ASPH: variants seen among roughly 807,000 people sequenced by gnomAD.
ASPH encodes aspartate beta-hydroxylase.
ASPH carries 100 observed loss-of-function variants against 118.4 expected under a neutral mutation model. That is an observed-to-expected ratio of 0.84 (90% CI 0.72 to 1.00). The LOEUF (loss-of-function observed/expected upper bound fraction) is 1.00. Ranked by LOEUF, ASPH falls within the 50% of genes least tolerant of loss-of-function variation. The pLI is 0.00. For missense variants in ASPH, 920 were observed against 919.5 expected, an observed-to-expected ratio of 1.00 and a Z score of -0.01; for synonymous variants, 315 against 325.6, an observed-to-expected ratio of 0.97 and a Z score of 0.35.
At chr8:61,671,066 T>C (rs1021571445) in intron 3 of ASPH, among the ~76,000 whole-genome samples, 7 of 151,804 alleles carry the variant, frequency 4.6e-5, no homozygotes, top group Non-Finnish European at 1.0e-4. Context: ...AATACAGTAA[T>C]GGAGAAAGGG....
chr8:61,532,266 G>A lies in ASPH; in HGVS notation c.1765-6154C>T, dbSNP rs1025885739. Among the ~76,000 whole-genome samples the A allele has an allele frequency of 5.9e-5, 9 of 151,782 alleles. 1 individual carries two copies. The highest frequency in any genetic ancestry group is 4.2e-4 in the South Asian group (2 of 4,798). On this transcript the variant is annotated intron_variant, in intron 21 of 24. Coordinates refer to ENST00000379454, the MANE Select transcript of ASPH (RefSeq NM_004318.4). ...TGATATCTCACTGTCCTTTTGATTC[G>A]CATTTCTCTGATGAATAGTGATGTT...
intron 16 of ASPH, among the ~76,000 whole-genome samples, chr8:61,572,566 T>G (rs1033877293): frequency 6.6e-5 from 10 of 152,048 alleles, no homozygotes; most frequent in South Asian, 2.1e-4. Flanking sequence ...AACTCAGGGG[T>G]CAGCCTTGAG....
chr8:61,681,834 T>C (rs1235330859), intron 2 of ASPH, among the ~76,000 whole-genome samples: 1 of 151,920 alleles, frequency 6.6e-6, no homozygotes, highest in East Asian at 1.9e-4. Context: ...TTATTTTGTT[T>C]AGCATTTCAA....
chr8:61,651,267 C>T (rs1158859893), intron 4 of ASPH, 143 bp from the exon 5 acceptor site: 10 of 602,350 alleles, frequency 1.7e-5, no homozygotes, highest in East Asian at 3.1e-5. Context: ...TATCAGCTTA[C>T]ATTTTTTTGT....
rs371860797 is a variant in ASPH, at chr8:61,651,144, T to G, written c.416-20A>C. On this transcript the variant is annotated intron_variant, in intron 4 of 24. Transcript: ENST00000379454. Reference sequence around the variant, plus strand: ...GGGGTTCTAAAATAATTGCAAAACATAGCTAAGTAGAAAAGCTCAAACATC... The same window carrying G: ...GGGGTTCTAAAATAATTGCAAAACAGAGCTAAGTAGAAAAGCTCAAACATC... 1.9e-6 allele frequency: 3 copies of G among 1,603,650 alleles called. No homozygotes were observed. In the Admixed American group the frequency reaches 5.0e-5, roughly 27 times the overall value.
chr8:61,624,011 G>A (rs1851858226), intron 13 of ASPH: 1 of 165,762 alleles, frequency 6.0e-6, no homozygotes, highest in Non-Finnish European at 1.2e-5. Flanking sequence ...ATGGTTACCA[G>A]AGGTTGGGAA....
In ASPH at chr8:61,501,983, C is replaced by T. The variant is rs1308329937; in HGVS notation, c.*1376G>A. 1.3e-5 allele frequency: 2 copies of T among 152,186 alleles called. No individual in the cohort carries two copies. The highest frequency in any genetic ancestry group is 2.9e-5 in the Non-Finnish European group (2 of 68,038). The allele number at this position is 152,186 out of a possible 1,614,324, so 9.4% of individuals were successfully genotyped here. On this transcript the variant is annotated 3_prime_UTR_variant, in exon 25 of 25. Coordinates refer to ENST00000379454, the MANE Select transcript of ASPH (RefSeq NM_004318.4). ...GTTCATATTGGCTTAGAATTCAGTGCATGAATATCATTACATTCTTATATC... is the reference window on the plus strand; with the variant it reads ...GTTCATATTGGCTTAGAATTCAGTGTATGAATATCATTACATTCTTATATC...
chr8:61,675,391 T>C (rs759220050), intron 3 of ASPH: 31 of 980,278 alleles, frequency 3.2e-5, no homozygotes, highest in South Asian at 1.9e-4. Context: ...AAATTTAAAA[T>C]AAATTTTGCT....
intron 15 of ASPH, chr8:61,578,264 T>C: frequency 1.1e-5 from 18 of 1,585,352 alleles, no homozygotes; most frequent in Non-Finnish European, 1.5e-5. Flanking sequence ...TGTCCACCTC[T>C]GGCCCCCGGG....
rs113178307 is a variant in ASPH at position 61,589,443 on chromosome 8, C to G, written c.977-5414G>C. 7.1e-3 allele frequency among the ~76,000 whole-genome samples: 1,085 copies of G among 152,206 alleles called. 11 individuals carry two copies. Among genetic ancestry groups the G allele is most frequent in the African/African-American group, 0.024 (997 of 41,540 alleles). On this transcript the variant is annotated intron_variant, in intron 14 of 24. Transcript: ENST00000379454. ...ATCTTTTGGGAGGTAATTCACTCAC[C>G]CATGTTTAAGACACACTTACCTGCA...
At chr8:61,577,488 A>G (rs1478921589) in intron 15 of ASPH, among the ~76,000 whole-genome samples, 4 of 151,526 alleles carry the variant, frequency 2.6e-5, no homozygotes, top group Admixed American at 6.6e-5. Context: ...TTCCCTCAAT[A>G]TAAGTACAGG....
At chr8:61,598,392 A>G (rs1401233252) in intron 14 of ASPH, among the ~76,000 whole-genome samples, 1 of 152,218 alleles carries the variant, frequency 6.6e-6, no homozygotes, top group Non-Finnish European at 1.5e-5. Flanking sequence ...CACATGAAAA[A>G]CTATAAAAAA....
chr8:61,665,586 C>T (rs1268448299), intron 3 of ASPH: 2 of 1,585,336 alleles, frequency 1.3e-6, no homozygotes, highest in Non-Finnish European at 1.7e-6. Context: ...TTCTTGAGCT[C>T]TTCTTTAGTG....
chr8:61,511,769 A>G (rs376926409), intron 24 of ASPH, among the ~76,000 whole-genome samples: 2 of 152,082 alleles, frequency 1.3e-5, no homozygotes, highest in East Asian at 3.9e-4. Context: ...ATGCCCGGCT[A>G]ATTTTTGTAT....
In ASPH at chr8:61,714,403, C is replaced by CTGGT. The variant is rs1563690068; in HGVS notation, c.-33_-32insACCA. On this transcript the variant is annotated 5_prime_UTR_variant, in exon 1 of 25. Transcript: ENST00000379454. The stretch of plus-strand genomic sequence containing the variant: ...GTCCGCGGGGGCTGGTGAGGGCTGG[C>CTGGT]GGACCTCCTTCAGTGCGCGGGGGTA... 24 of 1,463,512 alleles carry CTGGT rather than the reference C, an allele frequency of 1.6e-5. No individual in the cohort carries two copies. Among genetic ancestry groups the CTGGT allele is most frequent in the Middle Eastern group, 4.6e-4 (2 of 4,352 alleles). 90.7% of individuals were successfully genotyped at this position (1,463,512 alleles called of 1,614,324 possible).
At chr8:61,629,023 T>C (rs371876167) in intron 13 of ASPH, among the ~76,000 whole-genome samples, 1 of 152,212 alleles carries the variant, frequency 6.6e-6, no homozygotes, top group South Asian at 2.1e-4. Context: ...ATAGGCCTTA[T>C]TGATCAATGT....
chr8:61,556,412 T>G (rs1288613185), intron 18 of ASPH, among the ~76,000 whole-genome samples: 3 of 152,246 alleles, frequency 2.0e-5, no homozygotes, highest in African/African-American at 7.2e-5. Context: ...CAATTCTGAA[T>G]GGTTATTAGA....
chr8:61,508,316 T>C (rs138843447), intron 24 of ASPH, among the ~76,000 whole-genome samples: 1 of 149,538 alleles, frequency 6.7e-6, no homozygotes, highest in Non-Finnish European at 1.5e-5. Context: ...GTTCCTGGCC[T>C]TCTGTTAGAA....
chr8:61,603,974 A>G (rs1385706708), intron 14 of ASPH, among the ~76,000 whole-genome samples: 1 of 152,228 alleles, frequency 6.6e-6, no homozygotes, highest in Non-Finnish European at 1.5e-5. Flanking sequence ...GTACATATAA[A>G]TGTGAAAAAG....
Sources: allele counts gnomAD v4.1 joint callset (sites outside exome capture counted in the v4.1 genomes callset), GRCh38; gene constraint gnomAD v4.1.1; transcripts MANE v1.5; gene names NCBI Gene and HGNC (gene_info 2026-07-23, HGNC 2026-07-21).